ZCCHC7: variants seen among roughly 807,000 people sequenced by gnomAD.
ZCCHC7 encodes the protein zinc finger CCHC-type containing 7.
A neutral mutation model predicts 52.0 loss-of-function variants in ZCCHC7; 35 were observed. The observed-to-expected ratio is 0.67, with a 90% CI of 0.51 to 0.89. The LOEUF is 0.89. Among genes scored for constraint, ZCCHC7 ranks in the 40% least tolerant of loss-of-function variants. ZCCHC7 has a pLI of 0.00. For missense variants in ZCCHC7, 574 were observed against 649.1 expected (o/e 0.88, Z 1.26); for synonymous variants, 217 against 221.5 (o/e 0.98, Z 0.18).
intron 2 of ZCCHC7, among the ~76,000 whole-genome samples, chr9:37,281,159 G>A (rs961959072): frequency 1.3e-5 from 2 of 152,092 alleles, no homozygotes; most frequent in African/African-American, 4.8e-5. Context: ...GGGACCACAG[G>A]CGTACATCAC....
Position 37,306,762 on chromosome 9 carries a change from C to CTTTTTTTTTTTTTTTT in ZCCHC7, c.951+1075_951+1090dup, listed in dbSNP as rs869292704. On this transcript the variant is annotated intron_variant, in intron 5 of 8. Transcript: ENST00000336755. Reference sequence around the variant, plus strand: ...ACAGGCATGAGCCACTGTACCCGACCTTTTTTTTTTTTTTTTTTTTTTTTT... The same window carrying CTTTTTTTTTTTTTTTT: ...ACAGGCATGAGCCACTGTACCCGACCTTTTTTTTTTTTTTTTTTTTTTTTTTTTTTTTTTTTTTTTT... 1.9e-4 allele frequency among the ~76,000 whole-genome samples: 10 copies of CTTTTTTTTTTTTTTTT among 52,034 alleles called. 4 individuals are homozygous for CTTTTTTTTTTTTTTTT. The highest frequency in any genetic ancestry group is 3.0e-4 in the Non-Finnish European group (8 of 26,720). 34.1% of individuals were successfully genotyped at this position (52,034 alleles called of 152,430 possible).
chr9:37,295,881 A>C (rs762015797), intron 2 of ZCCHC7, among the ~76,000 whole-genome samples: 1 of 152,200 alleles, frequency 6.6e-6, no homozygotes, highest in Non-Finnish European at 1.5e-5. Context: ...TGGGTAAAGT[A>C]TGGAGTATAC....
chr9:37,305,598 C>T lies in ZCCHC7; in HGVS notation c.835C>T (p.Pro279Ser), dbSNP rs964361034. The T allele has an allele frequency of 6.2e-7, 1 of 1,614,082 alleles. No homozygotes were observed. Among genetic ancestry groups the T allele is most frequent in the Non-Finnish European group, 8.5e-7 (1 of 1,180,012 alleles). The change falls in exon 5 of 9, where the codon CCA becomes TCA. Residue 279 changes from proline (P) to serine (S), a missense_variant. Coordinates refer to ENST00000336755, the MANE Select transcript of ZCCHC7 (RefSeq NM_032226.3). ...GAGAGGACATCTCCTGTATTCCTGT[C>T]CAGCCCCCCTTTGCGAATACTGTCC... ...SRRGHLLYSC[P>S]APLCEYCPVP...
At chr9:37,327,722 C>A in intron 5 of ZCCHC7, 77 bp from the exon 6 acceptor site, 2 of 1,527,674 alleles carry the variant, frequency 1.3e-6, no homozygotes, top group Non-Finnish European at 1.8e-6. Context: ...CCGGTGGATG[C>A]TGGGTTATGC....
At chr9:37,161,877 G>A (rs1821127293) in intron 2 of ZCCHC7, among the ~76,000 whole-genome samples, 1 of 152,158 alleles carries the variant, frequency 6.6e-6, no homozygotes, top group Non-Finnish European at 1.5e-5. Context: ...TGTAACAGGT[G>A]GACATTAAAT....
At chr9:37,221,080 C>A (rs1379196017) in intron 2 of ZCCHC7, among the ~76,000 whole-genome samples, 6 of 152,174 alleles carry the variant, frequency 3.9e-5, no homozygotes, top group Admixed American at 1.3e-4. Context: ...GTGGAGCTTA[C>A]CAGGTTCCAC....
chr9:37,147,199 C>T (rs1392967718), intron 2 of ZCCHC7, among the ~76,000 whole-genome samples: 1 of 151,860 alleles, frequency 6.6e-6, no homozygotes, highest in Non-Finnish European at 1.5e-5. Flanking sequence ...TACCCAAACA[C>T]CTCCAAATTA....
chr9:37,295,846 C>T (rs1285548467), intron 2 of ZCCHC7, among the ~76,000 whole-genome samples: 1 of 151,980 alleles, frequency 6.6e-6, no homozygotes, highest in Admixed American at 6.6e-5. Context: ...ATGACATAAT[C>T]TGGGAGAAAA....
chr9:37,120,406 G>T, upstream of ZCCHC7: 1 of 389,740 alleles, frequency 2.6e-6, no homozygotes, highest in Non-Finnish European at 4.5e-6. Flanking sequence ...AATTATGGGC[G>T]GGGCAGAGAA....
At chr9:37,123,997 A>G (rs979730975) in intron 1 of ZCCHC7, among the ~76,000 whole-genome samples, 3 of 152,100 alleles carry the variant, frequency 2.0e-5, no homozygotes, top group Non-Finnish European at 2.9e-5. Context: ...AAAACAAACA[A>G]CTCCAGTAGG....
intron 2 of ZCCHC7, among the ~76,000 whole-genome samples, chr9:37,246,766 G>T (rs1446154665): frequency 1.3e-5 from 2 of 152,078 alleles, no homozygotes; most frequent in African/African-American, 4.8e-5. Context: ...TCAACTTTTT[G>T]TATCGATGGG....
At chr9:37,317,800 T>C (rs1008597596) in intron 5 of ZCCHC7, among the ~76,000 whole-genome samples, 1 of 151,828 alleles carries the variant, frequency 6.6e-6, no homozygotes, top group East Asian at 1.9e-4. Context: ...TCATAGTAGA[T>C]TAAACACTCT....
At chr9:37,293,565 T>G (rs2133644015) in intron 2 of ZCCHC7, among the ~76,000 whole-genome samples, 1 of 152,314 alleles carries the variant, frequency 6.6e-6, no homozygotes, top group East Asian at 1.9e-4. Context: ...TTTTGCCTTT[T>G]GTGGACAGTT....
intron 2 of ZCCHC7, among the ~76,000 whole-genome samples, chr9:37,289,396 G>A (rs923482526): frequency 2.0e-4 from 30 of 152,178 alleles, no homozygotes; most frequent in Middle Eastern, 3.4e-3. Context: ...TGATCTGCCC[G>A]CCTCGGCCTC....
chr9:37,152,749 C>G (rs897528839), intron 2 of ZCCHC7, among the ~76,000 whole-genome samples: 2 of 152,150 alleles, frequency 1.3e-5, no homozygotes, highest in African/African-American at 2.4e-5. Context: ...CCTTGATTAC[C>G]TTGCTGAGGT....
chr9:37,254,342 T>C (rs1826470190), intron 2 of ZCCHC7, among the ~76,000 whole-genome samples: 1 of 151,986 alleles, frequency 6.6e-6, no homozygotes, highest in African/African-American at 2.4e-5. Flanking sequence ...TAATGGGAAA[T>C]TGCAGCCTTT....
intron 2 of ZCCHC7, among the ~76,000 whole-genome samples, chr9:37,235,909 G>A (rs1325472031): frequency 1.3e-5 from 2 of 151,818 alleles, no homozygotes; most frequent in African/African-American, 4.8e-5. Context: ...TTTAATGGCT[G>A]AATAGTATTC....
chr9:37,283,505 A>G (rs1271811440), intron 2 of ZCCHC7, among the ~76,000 whole-genome samples: 2 of 152,208 alleles, frequency 1.3e-5, no homozygotes, highest in African/African-American at 2.4e-5. Flanking sequence ...TATTTTGAAA[A>G]GAATAATAGG....
At chr9:37,226,232 CA>C (rs1339890249) in intron 2 of ZCCHC7, among the ~76,000 whole-genome samples, 1 of 151,992 alleles carries the variant, frequency 6.6e-6, no homozygotes, top group Non-Finnish European at 1.5e-5. Context: ...GTAATCATAG[CA>C]AAAATGTATA....
Sources: allele counts gnomAD v4.1 joint callset (sites outside exome capture counted in the v4.1 genomes callset), GRCh38; gene constraint gnomAD v4.1.1; transcripts MANE v1.5; gene names NCBI Gene and HGNC (gene_info 2026-07-23, HGNC 2026-07-21).